The following SOX6 variants were observed in gnomAD, a reference collection of about 807,000 sequenced individuals.
SOX6 encodes the protein SRY-box transcription factor 6.
A neutral mutation model predicts 97.8 loss-of-function variants in SOX6; 11 were observed. That is an observed-to-expected ratio of 0.11 (90% CI 0.07 to 0.19). The LOEUF (loss-of-function observed/expected upper bound fraction) is 0.19. Ranked by LOEUF, SOX6 falls within the 10% of genes least tolerant of loss-of-function variation. The pLI, the probability that SOX6 is intolerant of heterozygous loss-of-function variation, is 1.00. For missense variants in SOX6, 810 were observed against 1,039.5 expected, an observed-to-expected ratio of 0.78 and a Z score of 3.04; for synonymous variants, 360 against 371.4, an observed-to-expected ratio of 0.97 and a Z score of 0.35.
At chr11:16,008,949 C>A (rs1388523395) in intron 13 of SOX6, among the ~76,000 whole-genome samples, 1 of 152,030 alleles carries the variant, frequency 6.6e-6, no homozygotes, top group Non-Finnish European at 1.5e-5. Context: ...CCCATCCTGG[C>A]CTCAGTCACC....
In SOX6 at chr11:16,605,179, G is replaced by A. The variant is rs902864542; in HGVS notation, n.609+6902C>T. ...CCCGGCTGCAGAGGAACGGCGGGTGGCGGGGCCCCGGCAGGGCGCCGAGAA... is the reference window on the plus strand; with the variant it reads ...CCCGGCTGCAGAGGAACGGCGGGTGACGGGGCCCCGGCAGGGCGCCGAGAA... On this transcript the variant is annotated intron_variant and non_coding_transcript_variant, in intron 4 of 5. Transcript: ENST00000524520. This position sits in a 1 kb window ranked among gnomAD's most constrained non-coding sequence, Gnocchi z 5.3. 2.6e-5 allele frequency among the ~76,000 whole-genome samples: 4 copies of A among 151,966 alleles called. No homozygotes were observed. Among genetic ancestry groups the A allele is most frequent in the African/African-American group, 9.7e-5 (4 of 41,422 alleles).
chr11:15,979,065 A>ATATATATATATAT (rs59143054), intron 15 of SOX6, among the ~76,000 whole-genome samples: 100 of 140,450 alleles, frequency 7.1e-4, no homozygotes, highest in Non-Finnish European at 9.8e-4. Context: ...ATATATATAT[A>ATATATATATATAT]AAACTGCTTA....
chr11:16,644,118 G>A (rs1848970895), intron 3 of SOX6, among the ~76,000 whole-genome samples: 1 of 152,120 alleles, frequency 6.6e-6, no homozygotes, highest in African/African-American at 2.4e-5. Context: ...ATGGCTCACT[G>A]CAGCCTCAAC....
chr11:16,476,425 A>G (rs190268223), upstream of SOX6: 1 of 152,408 alleles, frequency 6.6e-6, no homozygotes, highest in Non-Finnish European at 1.5e-5. Context: ...AAAAAGGATA[A>G]GTAAATTGCA....
At chr11:16,567,555 T>G (rs1847886847) in intron 4 of SOX6, among the ~76,000 whole-genome samples, 1 of 54,854 alleles carries the variant, frequency 1.8e-5, no homozygotes, top group East Asian at 2.9e-4. Flanking sequence ...TATGTCATAT[T>G]TTTTTCTTTT....
rs193122109 is a variant in SOX6 at position 16,456,859 on chromosome 11, T to C, written c.-5+19456A>G. Among the ~76,000 whole-genome samples, 7 of 152,240 alleles carry C rather than the reference T, an allele frequency of 4.6e-5. No homozygotes were observed. In the South Asian group the frequency reaches 6.2e-4, roughly 14 times the overall value. Reference sequence around the variant, plus strand: ...TTCTATGCTAGAACCACCTTCAAAGTTCCCATATATCCAAATTAGTTTTGT... The same window carrying C: ...TTCTATGCTAGAACCACCTTCAAAGCTCCCATATATCCAAATTAGTTTTGT... On this transcript the variant is annotated intron_variant, in intron 1 of 15. Coordinates refer to the SOX6 transcript ENST00000396356.
chr11:16,495,964 A>G (rs564543044), intron 4 of SOX6, among the ~76,000 whole-genome samples: 4 of 152,332 alleles, frequency 2.6e-5, no homozygotes, highest in African/African-American at 9.6e-5. Context: ...GAAATCTCAG[A>G]CACCATTGAC....
intron 7 of SOX6, among the ~76,000 whole-genome samples, chr11:16,104,089 A>G (rs1849015904): frequency 6.6e-6 from 1 of 151,998 alleles, no homozygotes. Context: ...GAACACAGTT[A>G]AGATTATAGA....
chr11:16,133,662 G>GGTTTTGTTTT (rs113326765), intron 6 of SOX6, among the ~76,000 whole-genome samples: 43 of 151,348 alleles, frequency 2.8e-4, no homozygotes, highest in East Asian at 3.9e-4. Context: ...TTATTATACA[G>GGTTTTGTTTT]GTTTTGTTTT....
chr11:16,702,024 A>G (rs1848098754), intron 3 of SOX6, among the ~76,000 whole-genome samples: 1 of 152,248 alleles, frequency 6.6e-6, no homozygotes, highest in East Asian at 1.9e-4. Context: ...TGAGATATTC[A>G]GAGAAGCATG....
chr11:16,123,129 T>C (rs927671322), intron 6 of SOX6, among the ~76,000 whole-genome samples: 3 of 152,078 alleles, frequency 2.0e-5, no homozygotes, highest in Non-Finnish European at 4.4e-5. Context: ...TAATATTTCA[T>C]CATCATCAAT....
At chr11:16,166,358 A>G (rs1850888153) in intron 6 of SOX6, among the ~76,000 whole-genome samples, 1 of 152,242 alleles carries the variant, frequency 6.6e-6, no homozygotes, top group African/African-American at 2.4e-5. Flanking sequence ...ATATTTTAGT[A>G]CAATTTGTTT....
intron 1 of SOX6, among the ~76,000 whole-genome samples, chr11:16,439,176 CA>C (rs1760074111): frequency 6.6e-6 from 1 of 152,112 alleles, no homozygotes; most frequent in Non-Finnish European, 1.5e-5. Context: ...TGCTATTTAT[CA>C]GAATAATTAT....
rs1299191952 is a variant in SOX6 at position 16,511,393 on chromosome 11, A to G, written n.610-35005T>C. 2.0e-5 allele frequency among the ~76,000 whole-genome samples: 3 copies of G among 152,262 alleles called. No individual in the cohort carries two copies. In the South Asian group the frequency reaches 6.2e-4, roughly 32 times the overall value. The stretch of plus-strand genomic sequence containing the variant: ...CTTAGCACTTAACACTCTAGGGAGG[A>G]TTAAACCAATTTTTTTAAGCAAGAA... On this transcript the variant is annotated intron_variant and non_coding_transcript_variant, in intron 4 of 5. Transcript: ENST00000524520.
chr11:16,625,776 G>A (rs1489243316), intron 3 of SOX6, among the ~76,000 whole-genome samples: 2 of 152,350 alleles, frequency 1.3e-5, no homozygotes, highest in African/African-American at 2.4e-5. Context: ...AAGGTGCTCA[G>A]AGGGTGGCAC....
intron 10 of SOX6, among the ~76,000 whole-genome samples, chr11:16,050,588 G>A (rs1847661577): frequency 6.6e-6 from 1 of 152,036 alleles, no homozygotes; most frequent in Admixed American, 6.6e-5. Flanking sequence ...TATGCTATAT[G>A]CAATTTATTT....
intron 6 of SOX6, among the ~76,000 whole-genome samples, chr11:16,165,913 T>A (rs1213427271): frequency 1.4e-5 from 2 of 144,788 alleles, no homozygotes; most frequent in Non-Finnish European, 3.0e-5. Flanking sequence ...AAAAAAAAAA[T>A]CCTAAAAGAC....
chr11:16,530,481 C>A (rs889011234), intron 4 of SOX6, among the ~76,000 whole-genome samples: 5 of 151,934 alleles, frequency 3.3e-5, no homozygotes, highest in Non-Finnish European at 7.4e-5. Flanking sequence ...AAAGCTCAAG[C>A]CACAGTATGA....
intron 4 of SOX6, among the ~76,000 whole-genome samples, chr11:16,511,100 A>G (rs535824273): frequency 3.3e-5 from 5 of 152,284 alleles, no homozygotes; most frequent in African/African-American, 1.2e-4. Flanking sequence ...TTAAAAGAGG[A>G]GCTTCATTCT....
Sources: gnomAD v4.1 joint callset for allele counts (sites outside exome capture counted in the v4.1 genomes callset) on GRCh38, gnomAD v4.1.1 for gene constraint, Gnocchi (gnomAD v3.1) non-coding constraint, MANE v1.5 for transcripts, NCBI Gene and HGNC (gene_info 2026-07-23, HGNC 2026-07-21) for gene names.